SFSWAP: variants seen among roughly 807,000 people sequenced by gnomAD.
The protein encoded by SFSWAP is splicing factor, suppressor of white-apricot homolog.
Under a neutral mutation model 100.7 loss-of-function variants are expected in SFSWAP, and 17 were observed. That is an observed-to-expected ratio of 0.17 (90% CI 0.12 to 0.25). SFSWAP has a LOEUF of 0.25. Among genes scored for constraint, SFSWAP ranks in the 10% least tolerant of loss-of-function variants. SFSWAP has a pLI of 1.00. For synonymous variants in SFSWAP, 504 were observed against 510.1 expected (o/e 0.99, Z 0.16); for missense variants, 1,005 against 1,262.6 (o/e 0.80, Z 3.09).
Position 131,778,503 on chromosome 12 carries a change from T to G in SFSWAP, c.2408+173T>G, listed in dbSNP as rs1884204382. ...TCCAAGTAAGATCTTTTTCAGATTT[T>G]TGTTTGTTTTATACTTAACTTTTTC... On this transcript the variant is annotated intron_variant, in intron 14 of 17. Coordinates refer to ENST00000261674, the MANE Select transcript of SFSWAP (RefSeq NM_004592.4). The surrounding 1 kb of genome is among the most constrained non-coding windows in gnomAD (Gnocchi z 4.2). 6.6e-6 allele frequency among the ~76,000 whole-genome samples: 1 copy of G among 152,226 alleles called. No homozygotes were observed. The highest frequency in any genetic ancestry group is 1.5e-5 in the Non-Finnish European group (1 of 68,028).
chr12:131,779,865 C>T (rs764608551), intron 14 of SFSWAP, among the ~76,000 whole-genome samples: 4 of 152,252 alleles, frequency 2.6e-5, no homozygotes, highest in Non-Finnish European at 5.9e-5. Flanking sequence ...TGGCTCACTG[C>T]AACCTCTGCC....
intron 7 of SFSWAP, among the ~76,000 whole-genome samples, chr12:131,735,772 T>C (rs1252628198): frequency 6.6e-6 from 1 of 152,238 alleles, no homozygotes; most frequent in African/African-American, 2.4e-5. Context: ...TTTCAAGGAC[T>C]TCATGGTTAC....
intron 7 of SFSWAP, among the ~76,000 whole-genome samples, chr12:131,749,742 C>T (rs377252959): frequency 6.6e-6 from 1 of 152,228 alleles, no homozygotes; most frequent in South Asian, 2.1e-4. Flanking sequence ...TTACTGAGGG[C>T]CTGCTCATGC....
intron 3 of SFSWAP, among the ~76,000 whole-genome samples, chr12:131,716,999 T>C (rs2136176657): frequency 6.6e-6 from 1 of 152,320 alleles, no homozygotes; most frequent in Non-Finnish European, 1.5e-5. Context: ...TCTCAGAACA[T>C]TGCCTTATAT....
intron 15 of SFSWAP, among the ~76,000 whole-genome samples, chr12:131,792,512 T>C (rs1332372734): frequency 1.6e-5 from 2 of 126,876 alleles, no homozygotes; most frequent in Non-Finnish European, 3.3e-5. Context: ...TGTGTGTGCA[T>C]ACGTGTGTGT....
intron 3 of SFSWAP, among the ~76,000 whole-genome samples, chr12:131,715,703 T>C (rs1490705361): frequency 6.6e-6 from 1 of 152,200 alleles, no homozygotes; most frequent in Non-Finnish European, 1.5e-5. Flanking sequence ...ATTCAGGATA[T>C]TCTGTTTAAA....
At position 131,786,725 on chromosome 12, in the gene SFSWAP, C is replaced by A. The variant is rs192984962; in HGVS notation, c.2534+137C>A. 7 of 876,822 alleles carry A rather than the reference C, an allele frequency of 8.0e-6. No homozygotes were observed. The East Asian group carries it at 1.1e-4, about 13-fold the overall frequency. The allele number at this position is 876,822 out of a possible 1,614,324, so 54.3% of individuals were successfully genotyped here. ...GGTGCTGAGTCCCCCACCACCCCCC[C>A]ACCCCCAGTGGCATGGCCATCACTG... is the stretch of plus-strand genomic sequence containing the variant. On this transcript the variant is annotated intron_variant, in intron 15 of 17. Coordinates refer to ENST00000261674, the MANE Select transcript of SFSWAP (RefSeq NM_004592.4).
chr12:131,752,447 C>A (rs533283255), intron 7 of SFSWAP, among the ~76,000 whole-genome samples: 1 of 152,296 alleles, frequency 6.6e-6, no homozygotes, highest in South Asian at 2.1e-4. Flanking sequence ...CCTACAGATA[C>A]CTGCTTGTGT....
chr12:131,778,445 C>T lies in SFSWAP; in HGVS notation c.2408+115C>T, dbSNP rs777924134. The T allele has an allele frequency of 4.9e-5, 71 of 1,463,052 alleles. No homozygotes were observed. Among genetic ancestry groups the T allele is most frequent in the Non-Finnish European group, 6.0e-5 (66 of 1,092,846 alleles). The allele number at this position is 1,463,052 out of a possible 1,614,324, so 90.6% of individuals were successfully genotyped here. A position where few individuals can be genotyped will look rare whatever the true frequency, so the allele number is the denominator to read the frequency against. On this transcript the variant is annotated intron_variant, in intron 14 of 17. Coordinates refer to ENST00000261674, the MANE Select transcript of SFSWAP (RefSeq NM_004592.4). This position sits in a 1 kb window ranked among gnomAD's most constrained non-coding sequence, Gnocchi z 4.2. ...ATCAGTGCCGCTTTCATTAAGCAGACGCGTGTATGCATGTGCATGTGTGCC... is the reference window on the plus strand; with the variant it reads ...ATCAGTGCCGCTTTCATTAAGCAGATGCGTGTATGCATGTGCATGTGTGCC...
Position 131,766,112 on chromosome 12 carries a change from C to T in SFSWAP, c.1952-6C>T. ...ACTTCTCTTTTTTCTTTGTTTATTC[C>T]TTAAGCAAAGCAAAAGCTGGAAGAT... is the stretch of plus-strand genomic sequence containing the variant. On this transcript the variant is annotated splice_region_variant and splice_polypyrimidine_tract_variant and intron_variant, in intron 12 of 17. Transcript: ENST00000261674. 6.2e-7 allele frequency: 1 copy of T among 1,604,912 alleles called. No individual in the cohort carries two copies. Among genetic ancestry groups the T allele is most frequent in the Non-Finnish European group, 8.5e-7 (1 of 1,176,972 alleles).
Position 131,755,467 on chromosome 12 carries a change from C to T in SFSWAP, c.1536C>T (p.Gly512=), listed in dbSNP as rs1232358326. The change falls in exon 10 of 18, where the codon GGC becomes GGT. Residue 512 remains glycine, a synonymous_variant. Coordinates refer to ENST00000261674, the MANE Select transcript of SFSWAP (RefSeq NM_004592.4). ...AGTTCTTCCTCCAGAAAGAAGGGGGCGATAGCATGCAGGTACGTGTCTGAA... is the reference window on the plus strand; with the variant it reads ...AGTTCTTCCTCCAGAAAGAAGGGGGTGATAGCATGCAGGTACGTGTCTGAA... ...KKQFFLQKEG[G]DSMQAVSAPE... 4.3e-6 allele frequency: 7 copies of T among 1,611,552 alleles called. No individual in the cohort carries two copies. The African/African-American group carries it at 5.3e-5, about 12-fold the overall frequency.
intron 13 of SFSWAP, among the ~76,000 whole-genome samples, chr12:131,770,096 A>G (rs766455548): frequency 2.0e-5 from 3 of 152,248 alleles, no homozygotes; most frequent in Non-Finnish European, 4.4e-5. Flanking sequence ...TAAATTGGCA[A>G]TTGCCATAAA....
At position 131,714,070 on chromosome 12, in the gene SFSWAP, G is replaced by A; in HGVS notation, c.219-1G>A. ...TATTGACCAGCTTGTTCACATTACAGATATGATGGACGTGGTCACCTGCAT... is the reference window on the plus strand; with the variant it reads ...TATTGACCAGCTTGTTCACATTACAAATATGATGGACGTGGTCACCTGCAT... On this transcript the variant is annotated splice_acceptor_variant, in intron 1 of 17. Transcript: ENST00000261674. LOFTEE classifies it high-confidence loss of function. This position sits in a 1 kb window ranked among gnomAD's most constrained non-coding sequence, Gnocchi z 6.0. 1 of 1,612,708 alleles carries A rather than the reference G, an allele frequency of 6.2e-7. No homozygotes were observed.
chr12:131,744,497 C>G (rs984695836), intron 7 of SFSWAP, among the ~76,000 whole-genome samples: 1 of 152,220 alleles, frequency 6.6e-6, no homozygotes, highest in Admixed American at 6.5e-5. Flanking sequence ...TTCCTCATCT[C>G]CATCTAAGAC....
At chr12:131,780,820 T>C (rs926742749) in intron 14 of SFSWAP, among the ~76,000 whole-genome samples, 2 of 152,238 alleles carry the variant, frequency 1.3e-5, no homozygotes, top group African/African-American at 4.8e-5. Context: ...AAAGGAAGCA[T>C]AATTCCTTCC....
At chr12:131,762,721 C>T (rs1016798361) in intron 11 of SFSWAP, among the ~76,000 whole-genome samples, 1 of 152,136 alleles carries the variant, frequency 6.6e-6, no homozygotes, top group Non-Finnish European at 1.5e-5. Context: ...CTGTCTCAGC[C>T]TCCCAAGTAG....
chr12:131,789,831 T>C (rs550442595), intron 15 of SFSWAP, among the ~76,000 whole-genome samples: 1 of 152,350 alleles, frequency 6.6e-6, no homozygotes, highest in East Asian at 1.9e-4. Context: ...AGCTTCCCAT[T>C]GCATCACAGA....
intron 13 of SFSWAP, 97 bp from the exon 14 acceptor site, chr12:131,777,964 GTGTT>G (rs1884158220): frequency 6.6e-7 from 1 of 1,511,908 alleles, no homozygotes; most frequent in Non-Finnish European, 8.8e-7. Context: ...GATGGTTGCT[GTGTT>G]TGTTGGTGTG....
At chr12:131,758,264 C>G (rs1882359429) in intron 11 of SFSWAP, among the ~76,000 whole-genome samples, 2 of 152,148 alleles carry the variant, frequency 1.3e-5, no homozygotes, top group Non-Finnish European at 2.9e-5. Context: ...AAGGCTGCTG[C>G]CAACCAGCGT....
Sources: gnomAD v4.1 joint callset for allele counts (sites outside exome capture counted in the v4.1 genomes callset) on GRCh38, gnomAD v4.1.1 for gene constraint, Gnocchi (gnomAD v3.1) non-coding constraint, MANE v1.5 for transcripts, NCBI Gene and HGNC (gene_info 2026-07-23, HGNC 2026-07-21) for gene names.